The following ZNF578 variants were observed in gnomAD, a reference collection of about 807,000 sequenced individuals.
ZNF578 encodes the protein zinc finger protein 578.
ZNF578 carries 8 observed loss-of-function variants against 8.3 expected under a neutral mutation model. The ratio of observed to expected loss-of-function variants is 0.96; its 90% CI spans 0.56 to 1.74. The LOEUF (loss-of-function observed/expected upper bound fraction) is 1.74. Ranked by LOEUF, ZNF578 falls within the 40% of genes most tolerant of loss-of-function variation. The pLI is 0.00. For missense variants in ZNF578, 726 were observed against 707.5 expected, an observed-to-expected ratio of 1.03 and a Z score of -0.30; for synonymous variants, 206 against 232.2, an observed-to-expected ratio of 0.89 and a Z score of 1.03.
At chr19:52,490,494 ATTAATAT>A in intron 2 of ZNF578, among the ~76,000 whole-genome samples, 1 of 152,278 alleles carries the variant, frequency 6.6e-6, no homozygotes, top group Admixed American at 6.5e-5. Flanking sequence ...TAGTTTACTG[ATTAATAT>A]TTAAGATTTC....
rs141764932 is a variant in ZNF578, at chr19:52,498,674, C to A, written c.-19-3153C>A. On this transcript the variant is annotated intron_variant, in intron 3 of 5. Transcript: ENST00000421239. ...ATGGGATTACAGGAATGAGCCACCT[C>A]GCCTGGCCGCTTTTTTTTTTTTTTT... 8.3e-3 allele frequency among the ~76,000 whole-genome samples: 995 copies of A among 119,356 alleles called. 12 individuals carry two copies. Among genetic ancestry groups the A allele is most frequent in the African/African-American group, 0.029 (861 of 29,494 alleles). The allele number at this position is 119,356 out of a possible 152,430, so 78.3% of individuals were successfully genotyped here. A position where few individuals can be genotyped will look rare whatever the true frequency, so the allele number is the denominator to read the frequency against.
intron 3 of ZNF578, among the ~76,000 whole-genome samples, chr19:52,499,708 G>A (rs1427768828): frequency 1.0e-5 from 1 of 97,708 alleles, no homozygotes; most frequent in South Asian, 3.1e-4. Flanking sequence ...TTTTTGAGAT[G>A]AATTTTCACT....
chr19:52,499,004 A>C (rs1291973485), intron 3 of ZNF578, among the ~76,000 whole-genome samples: 2 of 152,094 alleles, frequency 1.3e-5, no homozygotes, highest in Admixed American at 6.6e-5. Flanking sequence ...TTTCTAGAGG[A>C]GGAAGACCAA....
chr19:52,478,817 A>C (rs1364339433), intron 2 of ZNF578, among the ~76,000 whole-genome samples: 2 of 151,800 alleles, frequency 1.3e-5, no homozygotes, highest in Non-Finnish European at 2.9e-5. Context: ...GGGTTCAAGC[A>C]ATTCTCCTGC....
chr19:52,510,865 T>A lies in ZNF578; in HGVS notation c.484T>A (p.Leu162Met). 2 of 1,614,180 alleles carry A rather than the reference T, an allele frequency of 1.2e-6. No individual in the cohort carries two copies. The highest frequency in any genetic ancestry group is 1.7e-6 in the Non-Finnish European group (2 of 1,180,020). The change falls in exon 6 of 6, where the codon TTG becomes ATG. Residue 162 changes from leucine (L) to methionine (M), a missense_variant. Physicochemically the swap from Leu to Met is conservative, Grantham distance 15. Transcript: ENST00000421239. Reference protein sequence around the residue: ...IKDQLGLSFHLHLPELHIFQP... With the variant: ...IKDQLGLSFHMHLPELHIFQP... ...AGATCAGCTTGGATTAAGCTTTCAT[T>A]TGCATCTTCCTGAACTCCACATATT... is the stretch of plus-strand genomic sequence containing the variant.
intron 2 of ZNF578, among the ~76,000 whole-genome samples, chr19:52,460,970 C>G (rs577856659): frequency 4.6e-5 from 7 of 152,138 alleles, no homozygotes; most frequent in Admixed American, 6.6e-5. Context: ...GGCATCTTCC[C>G]CATCTGCAGA....
chr19:52,507,389 C>CACAAA lies in ZNF578; in HGVS notation c.190+2620_190+2624dup, dbSNP rs1342448193. Among the ~76,000 whole-genome samples, 3 of 151,752 alleles carry CACAAA rather than the reference C, an allele frequency of 2.0e-5. No homozygotes were observed. In the East Asian group the frequency reaches 5.8e-4, roughly 30 times the overall value. ...TATGACAGAGTTAGATTCCGTTTGC[C>CACAAA]ACAAAACAAAACAAAAAAATTAGCC... is the stretch of plus-strand genomic sequence containing the variant. On this transcript the variant is annotated intron_variant, in intron 5 of 5. Coordinates refer to ENST00000421239, the MANE Select transcript of ZNF578 (RefSeq NM_001099694.2).
In ZNF578 at chr19:52,515,020, T is replaced by C. The variant is rs565460358; in HGVS notation, c.*2866T>C. 2.7e-5 allele frequency among the ~76,000 whole-genome samples: 4 copies of C among 148,518 alleles called. No individual in the cohort carries two copies. Among genetic ancestry groups the C allele is most frequent in the Non-Finnish European group, 3.0e-5 (2 of 67,494 alleles). ...TTTTGTTGCTGAGGCTGGAGTGCAA[T>C]GGTGCGATCTGGTGTCACTCCAATG... On this transcript the variant is annotated 3_prime_UTR_variant, in exon 6 of 6. Transcript: ENST00000421239.
intron 2 of ZNF578, among the ~76,000 whole-genome samples, chr19:52,460,235 A>T (rs2059253673): frequency 6.6e-6 from 1 of 151,672 alleles, no homozygotes; most frequent in Non-Finnish European, 1.5e-5. Context: ...CCCCTTACTG[A>T]CCTCAGTAAT....
chr19:52,459,711 A>ATG (rs1331070098), intron 2 of ZNF578, among the ~76,000 whole-genome samples: 3 of 5,928 alleles, frequency 5.1e-4, no homozygotes, highest in East Asian at 1.9e-3. Context: ...GTATATGTAG[A>ATG]TATGTGTGTG....
At chr19:52,506,228 A>G (rs2059425164) in intron 5 of ZNF578, among the ~76,000 whole-genome samples, 2 of 152,124 alleles carry the variant, frequency 1.3e-5, no homozygotes, top group Admixed American at 6.6e-5. Context: ...AGGCTGAATA[A>G]TACTCCATTT....
At chr19:52,504,819 C>T (rs766758493) in intron 5 of ZNF578, 38 bp downstream of exon 5, 2 of 1,611,612 alleles carry the variant, frequency 1.2e-6, no homozygotes, top group Admixed American at 1.7e-5. Context: ...GGAGTCTGCT[C>T]TTGTCTGTCT....
intron 2 of ZNF578, among the ~76,000 whole-genome samples, chr19:52,463,278 T>C (rs907715875): frequency 1.3e-5 from 2 of 152,206 alleles, no homozygotes; most frequent in Non-Finnish European, 2.9e-5. Context: ...TGCTGCAGTC[T>C]CACCAGTTTG....
chr19:52,508,868 T>C (rs1298137655), intron 5 of ZNF578, among the ~76,000 whole-genome samples: 1 of 150,362 alleles, frequency 6.7e-6, no homozygotes, highest in African/African-American at 2.4e-5. Context: ...GACCTCATAA[T>C]TGCACTTTTC....
chr19:52,506,462 C>CTT (rs35676968), intron 5 of ZNF578, among the ~76,000 whole-genome samples: 23,942 of 108,306 alleles, frequency 0.22, 3,037 homozygotes, highest in East Asian at 0.45. Context: ...AGTACAGTTT[C>CTT]TTTTTTTTTT....
At chr19:52,496,514 A>C in intron 3 of ZNF578, among the ~76,000 whole-genome samples, 1 of 145,198 alleles carries the variant, frequency 6.9e-6, no homozygotes, top group Non-Finnish European at 1.5e-5. Flanking sequence ...TATTTTTAGT[A>C]GAGACGGGGT....
At position 52,512,302 on chromosome 19, in the gene ZNF578, A is replaced by G; in HGVS notation, c.*148A>G. 1 of 1,555,028 alleles carries G rather than the reference A, an allele frequency of 6.4e-7. No homozygotes were observed. The highest frequency in any genetic ancestry group is 1.1e-5 in the South Asian group (1 of 89,690). The stretch of plus-strand genomic sequence containing the variant: ...GTGGCAAAGCCTTTAGTGACCAGTC[A>G]ACACTTACCATCAGGCCATTCATGG... On this transcript the variant is annotated 3_prime_UTR_variant, in exon 6 of 6. Transcript: ENST00000421239.
At chr19:52,486,428 CT>C (rs2080568646) in intron 2 of ZNF578, among the ~76,000 whole-genome samples, 1 of 151,936 alleles carries the variant, frequency 6.6e-6, no homozygotes, top group Non-Finnish European at 1.5e-5. Flanking sequence ...TTGTCTCTTT[CT>C]TTTGTCAAGA....
intron 3 of ZNF578, among the ~76,000 whole-genome samples, chr19:52,501,355 G>A (rs1159671611): frequency 2.0e-5 from 3 of 152,182 alleles, no homozygotes; most frequent in African/African-American, 4.8e-5. Flanking sequence ...CTTTTGTGCC[G>A]CTTTAGCAGG....
Sources: allele counts gnomAD v4.1 joint callset (sites outside exome capture counted in the v4.1 genomes callset), GRCh38; gene constraint gnomAD v4.1.1; transcripts MANE v1.5; gene names NCBI Gene and HGNC (gene_info 2026-07-23, HGNC 2026-07-21).